Variants in AKAIN1 observed in about 807,000 individuals in gnomAD.
AKAIN1 encodes the protein A-kinase anchor inhibitor 1.
Under a neutral mutation model 3.7 loss-of-function variants are expected in AKAIN1, and 3 were observed. The ratio of observed to expected loss-of-function variants is 0.82; its 90% CI spans 0.37 to 2.12. The LOEUF (loss-of-function observed/expected upper bound fraction) is 2.12, where lower values mean the gene tolerates loss of function less well. AKAIN1 is among the 30% of genes most tolerant of loss of function. The pLI is 0.06. For synonymous variants in AKAIN1, 31 were observed against 30.8 expected (o/e 1.01, Z -0.02); for missense variants, 82 against 82.7 (o/e 0.99, Z 0.03).
chr18:5,158,391 C>T (rs550568554), intron 1 of AKAIN1, among the ~76,000 whole-genome samples: 3 of 152,308 alleles, frequency 2.0e-5, no homozygotes, highest in East Asian at 3.9e-4. Context: ...GCAGAAAACA[C>T]ACTAGAACGT....
chr18:5,197,189 C>G lies in AKAIN1; in HGVS notation c.-136G>C. 6.9e-7 allele frequency: 1 copy of G among 1,456,802 alleles called. No homozygotes were observed. Among genetic ancestry groups the G allele is most frequent in the Non-Finnish European group, 9.0e-7 (1 of 1,109,494 alleles). 90.2% of individuals were successfully genotyped at this position (1,456,802 alleles called of 1,614,324 possible). On this transcript the variant is annotated 5_prime_UTR_variant, in exon 1 of 2. Transcript: ENST00000434239. The surrounding 1 kb of genome is among the most constrained non-coding windows in gnomAD (Gnocchi z 6.9). ...GCGGCGGGCGGGGCGGTCAGCACCCCGGACAGCTCCCGCCGCTAGATCCTG... is the reference window on the plus strand; with the variant it reads ...GCGGCGGGCGGGGCGGTCAGCACCCGGGACAGCTCCCGCCGCTAGATCCTG...
chr18:5,170,082 A>G (rs2071189217), intron 1 of AKAIN1, among the ~76,000 whole-genome samples: 1 of 152,312 alleles, frequency 6.6e-6, no homozygotes, highest in Middle Eastern at 3.4e-3. Context: ...TTTAACAAAA[A>G]TACTGCCTAT....
chr18:5,183,035 A>G (rs1384864735), intron 1 of AKAIN1, among the ~76,000 whole-genome samples: 3 of 152,056 alleles, frequency 2.0e-5, no homozygotes, highest in African/African-American at 7.2e-5. Flanking sequence ...CTCCTAGTTA[A>G]TAACTGTGCT....
chr18:5,148,847 ACT>A (rs768928580), intron 1 of AKAIN1, among the ~76,000 whole-genome samples: 3 of 152,080 alleles, frequency 2.0e-5, no homozygotes, highest in Middle Eastern at 3.4e-3. Flanking sequence ...ACAGAGTGAG[ACT>A]CTGTCACAAA....
At chr18:5,173,048 C>T (rs1055651674) in intron 1 of AKAIN1, among the ~76,000 whole-genome samples, 1 of 152,068 alleles carries the variant, frequency 6.6e-6, no homozygotes, top group African/African-American at 2.4e-5. Context: ...ATTAAAATCC[C>T]ACAAGCTGAT....
At chr18:5,161,177 C>T (rs776601302) in intron 1 of AKAIN1, among the ~76,000 whole-genome samples, 15 of 152,082 alleles carry the variant, frequency 9.9e-5, no homozygotes, top group Middle Eastern at 3.4e-3. Context: ...TTTTGTTCTT[C>T]GGCTCCATGT....
chr18:5,145,047 A>G lies in AKAIN1; in HGVS notation c.*515T>C, dbSNP rs145678445. On this transcript the variant is annotated 3_prime_UTR_variant, in exon 2 of 2. Coordinates refer to ENST00000434239, the MANE Select transcript of AKAIN1 (RefSeq NM_001145194.2). ...TGGTCCCGAGGGACTCAGCCTTAGA[A>G]TTTCCCTTTTCTTAATTTGATCTTA... 1.3e-5 allele frequency among the ~76,000 whole-genome samples: 2 copies of G among 152,134 alleles called. No individual in the cohort carries two copies. The highest frequency in any genetic ancestry group is 4.8e-5 in the African/African-American group (2 of 41,434).
chr18:5,157,592 A>G (rs956545654), intron 1 of AKAIN1, among the ~76,000 whole-genome samples: 2 of 152,030 alleles, frequency 1.3e-5, no homozygotes, highest in African/African-American at 4.8e-5. Context: ...GGACTTTCCT[A>G]TGACTCTGTA....
chr18:5,175,629 C>T (rs767254377), intron 1 of AKAIN1, among the ~76,000 whole-genome samples: 7 of 152,114 alleles, frequency 4.6e-5, no homozygotes, highest in Non-Finnish European at 7.4e-5. Context: ...GAAAGAAAAA[C>T]GGTTCAGTAA....
intron 1 of AKAIN1, among the ~76,000 whole-genome samples, chr18:5,160,158 A>T (rs1311783268): frequency 2.6e-5 from 4 of 152,154 alleles, no homozygotes; most frequent in Admixed American, 2.6e-4. Context: ...CAAATTCGCT[A>T]AGTATTGCCA....
chr18:5,179,244 C>G (rs2071243444), intron 1 of AKAIN1, among the ~76,000 whole-genome samples: 1 of 152,074 alleles, frequency 6.6e-6, no homozygotes, highest in South Asian at 2.1e-4. Context: ...TACTTCTCTC[C>G]TTGTGTCCAT....
chr18:5,182,692 C>T (rs2071265228), intron 1 of AKAIN1, among the ~76,000 whole-genome samples: 1 of 152,070 alleles, frequency 6.6e-6, no homozygotes, highest in Admixed American at 6.6e-5. Flanking sequence ...AAAGCTCATG[C>T]ATGTGGCACT....
chr18:5,197,465 T>TC, upstream of AKAIN1: 1 of 1,228,980 alleles, frequency 8.1e-7, no homozygotes, highest in Non-Finnish European at 1.0e-6. This position sits in a 1 kb window ranked among gnomAD's most constrained non-coding sequence, Gnocchi z 6.9. Flanking sequence ...CTGTGGCTCG[T>TC]CGCCGTGGAT....
chr18:5,180,024 G>A (rs755488732), intron 1 of AKAIN1, among the ~76,000 whole-genome samples: 2 of 152,062 alleles, frequency 1.3e-5, no homozygotes, highest in African/African-American at 2.4e-5. Flanking sequence ...CTTTACTGGA[G>A]CACAGCTTTA....
At chr18:5,162,023 A>T (rs2071142309) in intron 1 of AKAIN1, among the ~76,000 whole-genome samples, 1 of 152,188 alleles carries the variant, frequency 6.6e-6, no homozygotes, top group African/African-American at 2.4e-5. Flanking sequence ...ACCAAAAACA[A>T]TTGATACTGT....
intron 1 of AKAIN1, among the ~76,000 whole-genome samples, chr18:5,148,811 C>A (rs1298340188): frequency 6.6e-6 from 1 of 151,984 alleles, no homozygotes; most frequent in Non-Finnish European, 1.5e-5. Flanking sequence ...AAGCTGAGAT[C>A]ATGCCACTGC....
In AKAIN1 at chr18:5,196,938, A is replaced by G; in HGVS notation, c.16+100T>C. ...CACAGACAGTAACTCCGAAACGCGC[A>G]GATGGGCCGTAAGGTAAAGAGGCCT... On this transcript the variant is annotated intron_variant, in intron 1 of 1. Coordinates refer to ENST00000434239, the MANE Select transcript of AKAIN1 (RefSeq NM_001145194.2). The G allele has an allele frequency of 2.8e-6, 3 of 1,083,370 alleles. No individual in the cohort carries two copies. In the East Asian group the frequency reaches 7.8e-5, roughly 28 times the overall value. 67.1% of individuals were successfully genotyped at this position (1,083,370 alleles called of 1,614,324 possible). A position where few individuals can be genotyped will look rare whatever the true frequency, so the allele number is the denominator to read the frequency against.
chr18:5,196,670 A>G (rs1286455914), intron 1 of AKAIN1, among the ~76,000 whole-genome samples: 1 of 152,218 alleles, frequency 6.6e-6, no homozygotes, highest in Non-Finnish European at 1.5e-5. Flanking sequence ...CCACGCAAGT[A>G]GCCCGAAGCC....
intron 1 of AKAIN1, among the ~76,000 whole-genome samples, chr18:5,186,524 G>A (rs998073251): frequency 6.6e-6 from 1 of 152,102 alleles, no homozygotes; most frequent in South Asian, 2.1e-4. Flanking sequence ...TCTAATGAGA[G>A]AGCTTCAAAA....
Sources: allele counts gnomAD v4.1 joint callset (sites outside exome capture counted in the v4.1 genomes callset), GRCh38; gene constraint gnomAD v4.1.1; non-coding constraint Gnocchi (gnomAD v3.1); transcripts MANE v1.5; gene names NCBI Gene and HGNC (gene_info 2026-07-23, HGNC 2026-07-21).